CACNA1E: variants seen among roughly 807,000 people sequenced by gnomAD.
The protein encoded by CACNA1E is voltage-dependent R-type calcium channel subunit alpha-1E.
CACNA1E carries 40 observed loss-of-function variants against 259.2 expected under a neutral mutation model. That is an observed-to-expected ratio of 0.15 (90% CI 0.12 to 0.20). CACNA1E has a LOEUF of 0.20. Ranked by LOEUF, CACNA1E falls within the 10% of genes least tolerant of loss-of-function variation. The pLI is 1.00. For missense variants in CACNA1E, 1,874 were observed against 3,040.1 expected (o/e 0.62, Z 9.02); for synonymous variants, 1,104 against 1,138.5 (o/e 0.97, Z 0.61).
chr1:181,502,585 T>A (rs985355340), intron 1 of CACNA1E, among the ~76,000 whole-genome samples: 3 of 152,246 alleles, frequency 2.0e-5, no homozygotes, highest in African/African-American at 7.2e-5. Context: ...GCTCTCCATC[T>A]TTTTACCTCA....
chr1:181,646,693 G>A (rs1005306371), intron 6 of CACNA1E, among the ~76,000 whole-genome samples: 2 of 152,154 alleles, frequency 1.3e-5, no homozygotes, highest in African/African-American at 4.8e-5. Flanking sequence ...CTTCAGCTCA[G>A]GGGACCCATG....
At chr1:181,488,143 G>T (rs1664011164) in intron 1 of CACNA1E, among the ~76,000 whole-genome samples, 1 of 152,160 alleles carries the variant, frequency 6.6e-6, no homozygotes, top group Non-Finnish European at 1.5e-5. Flanking sequence ...ATTTTGGTGA[G>T]GGTTACCAAA....
exon 2 of CACNA1E, chr1:181,413,485 G>C (rs1229714231): frequency 6.6e-6 from 1 of 152,456 alleles, no homozygotes; most frequent in African/African-American, 2.4e-5. Context: ...TCATGAAGCG[G>C]CGGCGCGGGG....
At chr1:181,666,304 G>T (rs971869267) in intron 7 of CACNA1E, among the ~76,000 whole-genome samples, 1 of 152,084 alleles carries the variant, frequency 6.6e-6, no homozygotes, top group African/African-American at 2.4e-5. Flanking sequence ...TAGATGTTGA[G>T]CTTCTGTGTG....
chr1:181,450,422 TTGTGTG>T (rs58472519), intron 2 of CACNA1E, among the ~76,000 whole-genome samples: 63,533 of 150,498 alleles, frequency 0.42, 14,629 homozygotes, highest in African/African-American at 0.63. Context: ...TGAAGGGGGA[TTGTGTG>T]TGTGTGTGTG....
intron 2 of CACNA1E, among the ~76,000 whole-genome samples, chr1:181,444,383 G>GAGAGGTA (rs1381196320): frequency 6.6e-6 from 1 of 152,078 alleles, no homozygotes; most frequent in East Asian, 1.9e-4. Flanking sequence ...GATGGAGAAG[G>GAGAGGTA]AGAGGTAAAA....
At chr1:181,359,682 C>T (rs774717114) in intron 1 of CACNA1E, among the ~76,000 whole-genome samples, 5 of 152,130 alleles carry the variant, frequency 3.3e-5, no homozygotes, top group African/African-American at 7.2e-5. Flanking sequence ...AAATTCCTCC[C>T]GAGCTTCCCT....
At position 181,392,648 on chromosome 1, in the gene CACNA1E, A is replaced by T. The variant is rs76227342; in HGVS notation, c.-14-20485A>T. Among the ~76,000 whole-genome samples the T allele has an allele frequency of 8.8e-3, 1,334 of 152,348 alleles. 25 individuals carry two copies. The highest frequency in any genetic ancestry group is 0.029 in the African/African-American group (1,213 of 41,566). The stretch of plus-strand genomic sequence containing the variant: ...AAGTAGTCAGTGTTCAATAAAACAA[A>T]GGAGAAGAAGCTGAGCAGGTAGAAA... On this transcript the variant is annotated intron_variant, in intron 1 of 11. Transcript: ENST00000524607.
intron 2 of CACNA1E, among the ~76,000 whole-genome samples, chr1:181,414,391 G>A (rs1658108526): frequency 1.3e-5 from 2 of 152,182 alleles, no homozygotes; most frequent in South Asian, 4.1e-4. Context: ...GTCGTGGTGG[G>A]ATTTACCTAC....
intron 2 of CACNA1E, among the ~76,000 whole-genome samples, chr1:181,464,930 A>ATT (rs773296539): frequency 2.0e-5 from 3 of 152,044 alleles, no homozygotes; most frequent in Non-Finnish European, 4.4e-5. Flanking sequence ...TAAATTAGAC[A>ATT]TTATATATAT....
Position 181,774,342 on chromosome 1 carries a change from GT to G in CACNA1E, c.5140-1757del, listed in dbSNP as rs1659781348. ...AAAGGGTCCTGCCTGATAGGTAGTA[GT>G]TGAACAAGTTCACTGTGGCTCCAAC... On this transcript the variant is annotated intron_variant, in intron 37 of 47. Transcript: ENST00000367573. 2.0e-5 allele frequency among the ~76,000 whole-genome samples: 3 copies of G among 152,356 alleles called. No individual in the cohort carries two copies. The South Asian group carries it at 6.2e-4, about 32-fold the overall frequency.
chr1:181,338,314 GC>G (rs1228146582), intron 1 of CACNA1E, among the ~76,000 whole-genome samples: 2 of 152,078 alleles, frequency 1.3e-5, no homozygotes, highest in African/African-American at 2.4e-5. Context: ...TTGAACTCTT[GC>G]CTCAAGTGAT....
At chr1:181,651,197 C>T (rs1558228517) in intron 6 of CACNA1E, 141 bp from the exon 7 acceptor site, 1 of 593,144 alleles carries the variant, frequency 1.7e-6, no homozygotes, top group East Asian at 2.9e-5. Context: ...CACGGTAATA[C>T]CAAATTGGGA....
intron 1 of CACNA1E, among the ~76,000 whole-genome samples, chr1:181,354,735 G>A (rs1295334429): frequency 6.6e-6 from 1 of 152,178 alleles, no homozygotes; most frequent in Non-Finnish European, 1.5e-5. Context: ...GTTCCGGGAA[G>A]GTTTTAGGGA....
chr1:181,621,142 A>G (rs554297820), intron 6 of CACNA1E, among the ~76,000 whole-genome samples: 8 of 152,376 alleles, frequency 5.3e-5, no homozygotes, highest in African/African-American at 1.9e-4. Context: ...CATTTAGGAA[A>G]GCAGTGACAA....
At chr1:181,671,199 A>T (rs937530182) in intron 7 of CACNA1E, among the ~76,000 whole-genome samples, 4 of 152,064 alleles carry the variant, frequency 2.6e-5, no homozygotes, top group South Asian at 2.1e-4. Flanking sequence ...ACACCTGGCT[A>T]ATTTTTTGTA....
Position 181,740,753 on chromosome 1 carries a change from A to G in CACNA1E, c.3719+1500A>G, listed in dbSNP as rs942692475. Among the ~76,000 whole-genome samples, 3 of 152,268 alleles carry G rather than the reference A, an allele frequency of 2.0e-5. No individual in the cohort carries two copies. In the South Asian group the frequency reaches 6.2e-4, roughly 32 times the overall value. ...GTCCCCTTGTGCACATGTTAATTCC[A>G]TTGTGTGCAGTCACCTTTGTCCCCC... On this transcript the variant is annotated intron_variant, in intron 25 of 47. Transcript: ENST00000367573.
At chr1:181,560,743 C>A (rs537242351) in intron 3 of CACNA1E, among the ~76,000 whole-genome samples, 9 of 152,200 alleles carry the variant, frequency 5.9e-5, no homozygotes, top group Admixed American at 5.9e-4. Flanking sequence ...GGGTATGTAC[C>A]CAAAGGAATT....
At chr1:181,437,687 A>G (rs1443918509) in intron 2 of CACNA1E, among the ~76,000 whole-genome samples, 2 of 151,892 alleles carry the variant, frequency 1.3e-5, no homozygotes, top group African/African-American at 4.8e-5. Flanking sequence ...TAGTTTTCCT[A>G]TTTCACTGGC....
Sources: gnomAD v4.1 joint callset for allele counts (sites outside exome capture counted in the v4.1 genomes callset) on GRCh38, gnomAD v4.1.1 for gene constraint, MANE v1.5 for transcripts, NCBI Gene and HGNC (gene_info 2026-07-23, HGNC 2026-07-21) for gene names.